RUNDC3B: variants seen among roughly 807,000 people sequenced by gnomAD.
RUNDC3B encodes the protein RUN domain containing 3B.
In RUNDC3B, 33 loss-of-function variants were observed where a neutral mutation model predicts 58.4. That is an observed-to-expected ratio of 0.56 (90% CI 0.43 to 0.75). The LOEUF is 0.75. Among genes scored for constraint, RUNDC3B ranks in the 30% least tolerant of loss-of-function variants. The probability of loss-of-function intolerance (pLI) is 0.00; values close to 1 mark genes in which losing one functional copy is unlikely to be tolerated. For synonymous variants in RUNDC3B, 193 were observed against 195.2 expected (o/e 0.99, Z 0.10); for missense variants, 501 against 535.7 (o/e 0.94, Z 0.64).
chr7:87,667,872 C>T (rs1825422353), intron 2 of RUNDC3B, among the ~76,000 whole-genome samples: 1 of 152,012 alleles, frequency 6.6e-6, no homozygotes, highest in Non-Finnish European at 1.5e-5. Flanking sequence ...TGATGTGCTG[C>T]CAGATTTGGT....
intron 2 of RUNDC3B, among the ~76,000 whole-genome samples, chr7:87,676,703 CAAAAA>C (rs57480483): frequency 8.8e-5 from 4 of 45,430 alleles, no homozygotes; most frequent in Non-Finnish European, 1.8e-4. Context: ...GACCCTGTCT[CAAAAA>C]AAAAAAAAAA....
intron 8 of RUNDC3B, among the ~76,000 whole-genome samples, chr7:87,793,645 A>G (rs1413029311): frequency 6.6e-6 from 1 of 152,150 alleles, no homozygotes; most frequent in Non-Finnish European, 1.5e-5. Context: ...GATTTAAAAA[A>G]ACACTCAAAA....
chr7:87,716,702 T>TA (rs1446100965), intron 4 of RUNDC3B, among the ~76,000 whole-genome samples: 1 of 152,222 alleles, frequency 6.6e-6, no homozygotes, highest in African/African-American at 2.4e-5. Flanking sequence ...ATAAGATGTC[T>TA]AGTGAGAAGT....
rs79691142 is a variant in RUNDC3B, at chr7:87,810,738, C to T, written c.1103+3219C>T. On this transcript the variant is annotated intron_variant, in intron 9 of 10. Transcript: ENST00000394654. ...TTATTTATCGATCACTTAGACCTGGCAAGATTAGTTAGACCCGGCAAGCTA... is the reference window on the plus strand; with the variant it reads ...TTATTTATCGATCACTTAGACCTGGTAAGATTAGTTAGACCCGGCAAGCTA... Among the ~76,000 whole-genome samples, 7 of 152,210 alleles carry T rather than the reference C, an allele frequency of 4.6e-5. No homozygotes were observed. In the East Asian group the frequency reaches 1.4e-3, roughly 29 times the overall value.
At chr7:87,811,424 C>T (rs901662161) in intron 9 of RUNDC3B, among the ~76,000 whole-genome samples, 2 of 151,910 alleles carry the variant, frequency 1.3e-5, no homozygotes, top group Non-Finnish European at 2.9e-5. Flanking sequence ...ACCTTTGCCT[C>T]CCGGGTTGAA....
chr7:87,689,787 A>G, intron 2 of RUNDC3B, among the ~76,000 whole-genome samples: 1 of 152,146 alleles, frequency 6.6e-6, no homozygotes. Context: ...CTTTTCCTTA[A>G]GGTGAACAAT....
chr7:87,788,703 C>CTTTTTTTTTT (rs5885597), intron 8 of RUNDC3B, among the ~76,000 whole-genome samples: 4 of 128,292 alleles, frequency 3.1e-5, no homozygotes, highest in Admixed American at 7.8e-5. Context: ...CTTTTCAAAA[C>CTTTTTTTTTT]TTTTTTTTTT....
At chr7:87,715,352 T>C (rs1180809158) in intron 4 of RUNDC3B, among the ~76,000 whole-genome samples, 2 of 118,804 alleles carry the variant, frequency 1.7e-5, no homozygotes, top group Non-Finnish European at 1.6e-5. Context: ...ATAATAATTA[T>C]ATATAATTAA....
intron 6 of RUNDC3B, among the ~76,000 whole-genome samples, chr7:87,754,618 C>A (rs1033560861): frequency 4.6e-5 from 7 of 151,932 alleles, no homozygotes; most frequent in South Asian, 2.1e-4. Context: ...AAGACACACA[C>A]AAAAAAATTC....
Position 87,830,081 on chromosome 7 carries a change from C to A in RUNDC3B, c.*51C>A, listed in dbSNP as rs1285350817. 15 of 1,227,800 alleles carry A rather than the reference C, an allele frequency of 1.2e-5. No homozygotes were observed. The highest frequency in any genetic ancestry group is 1.7e-5 in the Non-Finnish European group (15 of 880,548). The allele number at this position is 1,227,800 out of a possible 1,614,324, so 76.1% of individuals were successfully genotyped here. On this transcript the variant is annotated 3_prime_UTR_variant, in exon 11 of 11. Transcript: ENST00000394654. ...TTTTATGTTGTAAATGTTTAATTTA[C>A]ATGTTTGACTGCTGGGAAGACCTTT...
intron 6 of RUNDC3B, among the ~76,000 whole-genome samples, chr7:87,752,512 T>G (rs1230176528): frequency 6.6e-6 from 1 of 152,172 alleles, no homozygotes; most frequent in Non-Finnish European, 1.5e-5. Flanking sequence ...TCCTGGACTC[T>G]TTTTGGTTGG....
intron 3 of RUNDC3B, among the ~76,000 whole-genome samples, chr7:87,702,228 A>G (rs2130702747): frequency 6.6e-6 from 1 of 151,286 alleles, no homozygotes; most frequent in South Asian, 2.1e-4. Context: ...TTTTCATAAA[A>G]ATGTGTTATT....
chr7:87,752,317 G>T (rs1387353841), intron 6 of RUNDC3B, among the ~76,000 whole-genome samples: 1 of 152,284 alleles, frequency 6.6e-6, no homozygotes, highest in East Asian at 1.9e-4. Flanking sequence ...GTTCATCAAG[G>T]ATATTGGTCT....
rs1828938711 is a variant in RUNDC3B at position 87,700,507 on chromosome 7, A to G, written c.325A>G (p.Ile109Val). The G allele has an allele frequency of 3.1e-6, 5 of 1,613,514 alleles. No individual in the cohort carries two copies. The highest frequency in any genetic ancestry group is 4.2e-6 in the Non-Finnish European group (5 of 1,179,642). Residue 109 changes from isoleucine (I) to valine (V), a missense_variant, in exon 3 of 11, where the codon ATC (isoleucine) becomes GTC (valine). Ile to Val is a conservative substitution (Grantham distance 29). Transcript: ENST00000394654. ...VACRKVSQNCICSIENMENVS... is the reference protein window; with the variant it reads ...VACRKVSQNCVCSIENMENVS... ...TTGCCGGAAAGTTTCACAGAATTGTATCTGCAGCATTGAAAATATGGAAAA... is the reference window on the plus strand; with the variant it reads ...TTGCCGGAAAGTTTCACAGAATTGTGTCTGCAGCATTGAAAATATGGAAAA...
rs1361393712 is a variant in RUNDC3B, at chr7:87,655,604, A to T, written c.238+4667A>T. On this transcript the variant is annotated intron_variant, in intron 2 of 10. Transcript: ENST00000394654. ...GAGAGATGTTGGTTAAAGGATATAA[A>T]AATTCAGTTAAAAGGAAATAAGTTC... 3.3e-5 allele frequency among the ~76,000 whole-genome samples: 5 copies of T among 152,298 alleles called. No homozygotes were observed. In the East Asian group the frequency reaches 9.6e-4, roughly 29 times the overall value.
intron 1 of RUNDC3B, among the ~76,000 whole-genome samples, chr7:87,638,790 G>A (rs2130268624): frequency 6.6e-6 from 1 of 152,066 alleles, no homozygotes; most frequent in South Asian, 2.1e-4. Context: ...GTTTGACTTT[G>A]TTGAGTTTCT....
At chr7:87,756,146 TG>T (rs1191476164) in intron 6 of RUNDC3B, among the ~76,000 whole-genome samples, 1 of 152,158 alleles carries the variant, frequency 6.6e-6, no homozygotes, top group African/African-American at 2.4e-5. Context: ...ATGAGAATTT[TG>T]GTATTTGTAA....
intron 10 of RUNDC3B, 128 bp downstream of exon 10, chr7:87,816,390 G>T: frequency 1.5e-6 from 1 of 663,440 alleles, no homozygotes; most frequent in South Asian, 2.7e-5. Context: ...CAGCCATTAT[G>T]ATTAAAAATG....
chr7:87,752,291 G>A (rs1389550434), intron 6 of RUNDC3B, among the ~76,000 whole-genome samples: 2 of 152,066 alleles, frequency 1.3e-5, no homozygotes, highest in Non-Finnish European at 2.9e-5. Flanking sequence ...ATTTTATTGA[G>A]GATTTTTGCA....
Sources: gnomAD v4.1 joint callset for allele counts (sites outside exome capture counted in the v4.1 genomes callset) on GRCh38, gnomAD v4.1.1 for gene constraint, MANE v1.5 for transcripts, NCBI Gene and HGNC (gene_info 2026-07-23, HGNC 2026-07-21) for gene names.